Variants in SORCS3 observed in about 807,000 individuals in gnomAD.
SORCS3 encodes the protein VPS10 domain-containing receptor SorCS3.
In SORCS3, 57 loss-of-function variants were observed where a neutral mutation model predicts 146.3. The ratio of observed to expected loss-of-function variants is 0.39; its 90% confidence interval spans 0.31 to 0.49. The LOEUF (loss-of-function observed/expected upper bound fraction) is 0.49, where lower values mean the gene tolerates loss of function less well. SORCS3 is among the 20% of genes least tolerant of loss of function. The pLI, the probability that SORCS3 is intolerant of heterozygous loss-of-function variation, is 0.92. For synonymous variants in SORCS3, 653 were observed against 618.5 expected, an observed-to-expected ratio of 1.06 and a Z score of -0.83; for missense variants, 1,341 against 1,575.5, an observed-to-expected ratio of 0.85 and a Z score of 2.52.
At position 105,027,754 on chromosome 10, in the gene SORCS3, GT is replaced by G. The variant is rs538999711; in HGVS notation, c.955-15298del. 6.2e-4 allele frequency among the ~76,000 whole-genome samples: 94 copies of G among 152,232 alleles called. 1 individual carries two copies. Among genetic ancestry groups the G allele is most frequent in the Middle Eastern group, 6.8e-3 (2 of 294 alleles). Reference sequence around the variant, plus strand: ...CACATATTTTGCACTTTTGTGCTTTGTTTGGTAATCTCCTTGTTTAAAATGG... The same window carrying G: ...CACATATTTTGCACTTTTGTGCTTTGTTGGTAATCTCCTTGTTTAAAATGG... On this transcript the variant is annotated intron_variant, in intron 4 of 26. Coordinates refer to ENST00000369701, the MANE Select transcript of SORCS3 (RefSeq NM_014978.3).
intron 1 of SORCS3, among the ~76,000 whole-genome samples, chr10:104,683,250 C>T (rs1005305308): frequency 3.3e-5 from 5 of 152,220 alleles, no homozygotes; most frequent in Admixed American, 6.5e-5. Flanking sequence ...GGGCACAGTA[C>T]TCAAATAGGA....
intron 4 of SORCS3, among the ~76,000 whole-genome samples, chr10:105,000,383 C>T (rs1013935075): frequency 6.6e-6 from 1 of 151,434 alleles, no homozygotes; most frequent in Non-Finnish European, 1.5e-5. Context: ...AAATATTAGC[C>T]CATTTTCACA....
intron 1 of SORCS3, among the ~76,000 whole-genome samples, chr10:104,645,091 G>A (rs1427791747): frequency 6.6e-6 from 1 of 152,180 alleles, no homozygotes; most frequent in Admixed American, 6.5e-5. Context: ...TTGGGCAAAG[G>A]AATCAGGAGG....
At chr10:105,119,594 A>C (rs1023377219) in intron 7 of SORCS3, among the ~76,000 whole-genome samples, 94 of 152,304 alleles carry the variant, frequency 6.2e-4, no homozygotes, top group Admixed American at 6.1e-3. Flanking sequence ...CCACAGGGGC[A>C]GAGCTACCCA....
intron 3 of SORCS3, among the ~76,000 whole-genome samples, chr10:104,935,905 A>G (rs1485941318): frequency 1.3e-5 from 2 of 152,060 alleles, no homozygotes; most frequent in Non-Finnish European, 2.9e-5. Flanking sequence ...GTGGTTAGGG[A>G]CCATGTGAGC....
At chr10:105,178,242 G>A in intron 14 of SORCS3, 69 bp downstream of exon 14, 1 of 1,299,398 alleles carries the variant, frequency 7.7e-7, no homozygotes, top group Non-Finnish European at 1.1e-6. Context: ...TGAGGCCTTG[G>A]ATTTTTCCCA....
intron 4 of SORCS3, among the ~76,000 whole-genome samples, chr10:104,985,588 C>T (rs543121818): frequency 6.6e-6 from 1 of 152,070 alleles, no homozygotes; most frequent in Non-Finnish European, 1.5e-5. Context: ...TTTACTTTGC[C>T]CAGATCCATC....
chr10:104,836,084 G>A (rs770911012), intron 1 of SORCS3, among the ~76,000 whole-genome samples: 2 of 152,204 alleles, frequency 1.3e-5, no homozygotes, highest in Non-Finnish European at 2.9e-5. Flanking sequence ...CTCCATCCAG[G>A]AGGCAGAGGG....
intron 7 of SORCS3, among the ~76,000 whole-genome samples, chr10:105,112,939 T>C (rs2055868045): frequency 6.6e-6 from 1 of 152,146 alleles, no homozygotes; most frequent in South Asian, 2.1e-4. Context: ...AACAGAGACA[T>C]ATAACTGAGA....
rs371190502 is a variant in SORCS3 at position 105,221,682 on chromosome 10, G to A, written c.2735-1434G>A. 9.7e-4 allele frequency among the ~76,000 whole-genome samples: 148 copies of A among 152,240 alleles called. 1 individual carries two copies. The South Asian group carries it at 0.017, about 17-fold the overall frequency. On this transcript the variant is annotated intron_variant, in intron 19 of 26. Coordinates refer to ENST00000369701, the MANE Select transcript of SORCS3 (RefSeq NM_014978.3). ...AATTACCAGGGAAGCAAATAAGGAC[G>A]GCTAGATGGCCTGAAAAATCCTCCA... is the stretch of plus-strand genomic sequence containing the variant.
intron 5 of SORCS3, among the ~76,000 whole-genome samples, chr10:105,068,846 C>T (rs914840882): frequency 6.6e-6 from 1 of 152,170 alleles, no homozygotes; most frequent in Non-Finnish European, 1.5e-5. Context: ...GTGTCAGCTT[C>T]TTTAATATTT....
At chr10:105,067,565 A>G (rs2055530562) in intron 5 of SORCS3, among the ~76,000 whole-genome samples, 1 of 152,198 alleles carries the variant, frequency 6.6e-6, no homozygotes, top group Admixed American at 6.5e-5. Flanking sequence ...TTTTCCACTC[A>G]GGTGACTTTC....
intron 9 of SORCS3, among the ~76,000 whole-genome samples, chr10:105,154,293 G>T (rs2119487394): frequency 6.6e-6 from 1 of 152,220 alleles, no homozygotes; most frequent in South Asian, 2.1e-4. Flanking sequence ...CTCACCACAG[G>T]TGGGACTCTA....
At position 104,641,502 on chromosome 10, in the gene SORCS3, C is replaced by T. The variant is rs1160059723; in HGVS notation, c.175C>T (p.Leu59Phe). ...PASRPPALSP[L>F]SPRAVASQWP... ...TTCGCGGCCACCGGCGTTGTCTCCA[C>T]TCTCGCCGCGGGCAGTGGCCAGCCA... The change falls in exon 1 of 27, where the codon CTC becomes TTC. Residue 59 changes from leucine (L) to phenylalanine (F), a missense_variant. Leu to Phe is a conservative substitution (Grantham distance 22, BLOSUM62 0). Transcript: ENST00000369701. The surrounding 1 kb of genome is among the most constrained non-coding windows in gnomAD (Gnocchi z 6.4). 1.4e-6 allele frequency: 2 copies of T among 1,474,894 alleles called. No homozygotes were observed. Among genetic ancestry groups the T allele is most frequent in the East Asian group, 2.9e-5 (1 of 33,966 alleles). 91.4% of individuals were successfully genotyped at this position (1,474,894 alleles called of 1,614,324 possible).
intron 4 of SORCS3, among the ~76,000 whole-genome samples, chr10:105,010,612 T>C: frequency 6.6e-6 from 1 of 152,246 alleles, no homozygotes; most frequent in African/African-American, 2.4e-5. Context: ...CATGAGAGAT[T>C]GCACTGTAAT....
At chr10:105,166,314 T>C (rs1441713737) in intron 12 of SORCS3, among the ~76,000 whole-genome samples, 3 of 152,178 alleles carry the variant, frequency 2.0e-5, no homozygotes, top group African/African-American at 7.2e-5. Flanking sequence ...CCATCCCAAC[T>C]TCTCCATCTA....
At chr10:104,700,301 G>A (rs1439710969) in intron 1 of SORCS3, among the ~76,000 whole-genome samples, 1 of 152,182 alleles carries the variant, frequency 6.6e-6, no homozygotes, top group Non-Finnish European at 1.5e-5. Flanking sequence ...TTCAGTCATG[G>A]CTGGAGCCAG....
At chr10:104,732,404 C>G (rs2016716299) in intron 1 of SORCS3, among the ~76,000 whole-genome samples, 1 of 152,132 alleles carries the variant, frequency 6.6e-6, no homozygotes. Flanking sequence ...AACCGTAGTG[C>G]TTGCATTTGA....
intron 1 of SORCS3, among the ~76,000 whole-genome samples, chr10:104,803,751 G>C (rs986701370): frequency 6.6e-6 from 1 of 152,114 alleles, no homozygotes; most frequent in Non-Finnish European, 1.5e-5. Flanking sequence ...TCTCACTGCA[G>C]GTGAGTGACC....
Sources: allele counts gnomAD v4.1 joint callset (sites outside exome capture counted in the v4.1 genomes callset), GRCh38; gene constraint gnomAD v4.1.1; non-coding constraint Gnocchi (gnomAD v3.1); transcripts MANE v1.5; gene names NCBI Gene and HGNC (gene_info 2026-07-23, HGNC 2026-07-21).